OR8B3: variants seen among roughly 807,000 people sequenced by gnomAD.
The protein encoded by OR8B3 is olfactory receptor 8B3.
For synonymous variants in OR8B3, 102 were observed against 135.4 expected, an observed-to-expected ratio of 0.75 and a Z score of 1.71; for missense variants, 278 against 377.6, an observed-to-expected ratio of 0.74 and a Z score of 2.19.
intron 1 of OR8B3, among the ~76,000 whole-genome samples, chr11:124,397,595 G>C (rs1423039501): frequency 3.9e-5 from 6 of 152,012 alleles, no homozygotes; most frequent in East Asian, 1.9e-4. Context: ...CTAGAAGACA[G>C]AGAGGTGGAG....
At chr11:124,403,496 G>A (rs1286783645), upstream of OR8B3, among the ~76,000 whole-genome samples, 7 of 150,302 alleles carry the variant, frequency 4.7e-5, no homozygotes, top group South Asian at 2.1e-4. Context: ...GGGCAGAGGC[G>A]CTCCTCACAT....
At chr11:124,407,975 T>C in the OR8B3 span, among the ~76,000 whole-genome samples, 2 of 152,210 alleles carry the variant, frequency 1.3e-5, no homozygotes, top group African/African-American at 4.8e-5. Flanking sequence ...AGCAAGGTTT[T>C]AAAGTTTTCA....
chr11:124,400,925 T>C (rs1256488942), upstream of OR8B3, among the ~76,000 whole-genome samples: 1 of 152,128 alleles, frequency 6.6e-6, no homozygotes, highest in African/African-American at 2.4e-5. Context: ...ATATTCATAG[T>C]TATTAATGAA....
the OR8B3 span, among the ~76,000 whole-genome samples, chr11:124,409,722 C>T: frequency 6.6e-6 from 1 of 152,032 alleles, no homozygotes; most frequent in African/African-American, 2.4e-5. Flanking sequence ...GTGTTTTTGC[C>T]AATAGATAGA....
At chr11:124,406,174 G>T in the OR8B3 span, among the ~76,000 whole-genome samples, 10 of 152,182 alleles carry the variant, frequency 6.6e-5, no homozygotes, top group African/African-American at 2.2e-4. Context: ...TAGCTACTTT[G>T]TAGCTAAGTC....
rs1860877879 is a variant in OR8B3 at position 124,396,596 on chromosome 11, A to T, written c.756T>A (p.Phe252Leu). ...SSHVIALSLFFGSAAFMYIKY... is the reference protein window; with the variant it reads ...SSHVIALSLFLGSAAFMYIKY... ...TAATATACATGAATGCCGCTGACCC[A>T]AAAAACAGAGACAGAGCAATGACAT... is the stretch of plus-strand genomic sequence containing the variant. Residue 252 changes from phenylalanine to leucine, a missense_variant, in exon 2 of 2, where the codon TTT becomes TTA. Phe to Leu is a conservative substitution (Grantham distance 22, BLOSUM62 0). Coordinates refer to ENST00000641139, the MANE Select transcript of OR8B3 (RefSeq NM_001005467.2). 2 of 1,612,520 alleles carry T rather than the reference A, an allele frequency of 1.2e-6. No homozygotes were observed. The highest frequency in any genetic ancestry group is 1.7e-6 in the Non-Finnish European group (2 of 1,179,422).
Position 124,396,538 on chromosome 11 carries a change from C to G in OR8B3, c.814G>C (p.Val272Leu). 1 of 1,613,942 alleles carries G rather than the reference C, an allele frequency of 6.2e-7. No homozygotes were observed. The highest frequency in any genetic ancestry group is 8.5e-7 in the Non-Finnish European group (1 of 1,179,948). The change falls in exon 2 of 2, where the codon GTT becomes CTT. Residue 272 changes from valine to leucine, a missense_variant. By Grantham distance (32) the Val-to-Leu change is conservative. Coordinates refer to ENST00000641139, the MANE Select transcript of OR8B3 (RefSeq NM_001005467.2). ...YSSGSMEQGK[V>L]SSVFYTNVVP... ...ACATTAGTGTAGAAAACAGAAGAAA[C>G]TTTTCCCTGCTCCATAGATCCAGAA...
upstream of OR8B3, among the ~76,000 whole-genome samples, chr11:124,403,705 C>T (rs1459833656): frequency 2.0e-5 from 3 of 152,050 alleles, no homozygotes; most frequent in Middle Eastern, 3.2e-3. Context: ...ACTTCCCAGA[C>T]GGGGTGGCGG....
At chr11:124,403,056 G>C (rs112107202), upstream of OR8B3, among the ~76,000 whole-genome samples, 1 of 151,804 alleles carries the variant, frequency 6.6e-6, no homozygotes, top group Non-Finnish European at 1.5e-5. Context: ...GCCTTCAAGC[G>C]TCTGTTTAAC....
rs373419493 is a variant in OR8B3, at chr11:124,397,204, C to A, written c.148G>T (p.Gly50Cys). Residue 50 changes from glycine to cysteine, a missense_variant, in exon 2 of 2, where the codon GGT (glycine) becomes TGT (cysteine). Physicochemically the swap from Gly to Cys is radical, Grantham distance 159 (BLOSUM62 -3). Coordinates refer to ENST00000641139, the MANE Select transcript of OR8B3 (RefSeq NM_001005467.2). ...VGNLGLIILF[G>C]LNSHLHTPMY... ...GGTGTGTGGAGGTGAGAATTTAGAC[C>A]GAAAAGAATGATCAAGCCAAGGTTG... 3.1e-6 allele frequency: 5 copies of A among 1,610,026 alleles called. No individual in the cohort carries two copies. Among genetic ancestry groups the A allele is most frequent in the Non-Finnish European group, 4.2e-6 (5 of 1,179,462 alleles).
At chr11:124,401,207 G>C (rs1860987989), upstream of OR8B3, among the ~76,000 whole-genome samples, 1 of 75,692 alleles carries the variant, frequency 1.3e-5, no homozygotes, top group Non-Finnish European at 2.7e-5. Flanking sequence ...ATCACATAGG[G>C]GAAATGCAAA....
At chr11:124,402,717 G>A (rs545609576), upstream of OR8B3, among the ~76,000 whole-genome samples, 1 of 152,170 alleles carries the variant, frequency 6.6e-6, no homozygotes, top group South Asian at 2.1e-4. Flanking sequence ...GGATGTAGGC[G>A]AGAAAATGAT....
At chr11:124,401,228 G>GAGAGAGAGAGAGAGAGAA (rs1860989554), upstream of OR8B3, among the ~76,000 whole-genome samples, 1 of 151,730 alleles carries the variant, frequency 6.6e-6, no homozygotes, top group Non-Finnish European at 1.5e-5. Flanking sequence ...GAGACAGAGA[G>GAGAGAGAGAGAGAGAGAA]AGAGAGAGAG....
the OR8B3 span, among the ~76,000 whole-genome samples, chr11:124,406,933 A>G: frequency 6.6e-6 from 1 of 152,296 alleles, no homozygotes; most frequent in Non-Finnish European, 1.5e-5. Context: ...ATTTACAGAT[A>G]ATAGATCAGA....
upstream of OR8B3, among the ~76,000 whole-genome samples, chr11:124,403,514 G>A (rs373293196): frequency 0.049 from 7,470 of 151,412 alleles, 170 homozygotes; most frequent in East Asian, 0.098. Flanking sequence ...CATCCCAGAC[G>A]GGGCGGCGGG....
chr11:124,402,123 CATGT>C (rs1429069756), upstream of OR8B3, among the ~76,000 whole-genome samples: 1 of 152,214 alleles, frequency 6.6e-6, no homozygotes, highest in Non-Finnish European at 1.5e-5. Flanking sequence ...GTGCCTTTTG[CATGT>C]ATTCTTATAG....
Position 124,396,116 on chromosome 11 carries a change from A to G in OR8B3, c.*294T>C, listed in dbSNP as rs1013788927. ...ATCTTTATAATTCATGAAATTTACCATATATGTCCAATTAAGAACAGCCCA... is the reference window on the plus strand; with the variant it reads ...ATCTTTATAATTCATGAAATTTACCGTATATGTCCAATTAAGAACAGCCCA... On this transcript the variant is annotated 3_prime_UTR_variant, in exon 2 of 2. Coordinates refer to ENST00000641139, the MANE Select transcript of OR8B3 (RefSeq NM_001005467.2). 8.4e-6 allele frequency: 2 copies of G among 238,690 alleles called. No homozygotes were observed. Among genetic ancestry groups the G allele is most frequent in the Non-Finnish European group, 1.6e-5 (2 of 124,568 alleles). 14.8% of individuals were successfully genotyped at this position (238,690 alleles called of 1,614,324 possible).
chr11:124,401,417 C>G (rs886931789), upstream of OR8B3, among the ~76,000 whole-genome samples: 11 of 152,214 alleles, frequency 7.2e-5, no homozygotes, highest in African/African-American at 2.6e-4. Context: ...AGGGGACAAA[C>G]AATCAAAACA....
At chr11:124,405,308 C>A in the OR8B3 span, among the ~76,000 whole-genome samples, 1 of 152,086 alleles carries the variant, frequency 6.6e-6, no homozygotes, top group African/African-American at 2.4e-5. Context: ...CTCTTCTCTC[C>A]CTCCCCCAAG....
Sources: allele counts gnomAD v4.1 joint callset (sites outside exome capture counted in the v4.1 genomes callset), GRCh38; gene constraint gnomAD v4.1.1; transcripts MANE v1.5; gene names NCBI Gene and HGNC (gene_info 2026-07-23, HGNC 2026-07-21).